The following MYT1L variants were observed in gnomAD, a reference collection of about 807,000 sequenced individuals.
The protein encoded by MYT1L is myelin transcription factor 1-like protein.
MYT1L carries 12 observed loss-of-function variants against 126.7 expected under a neutral mutation model. The ratio of observed to expected loss-of-function variants is 0.09; its 90% confidence interval spans 0.06 to 0.15. MYT1L has a LOEUF of 0.15. Ranked by LOEUF, MYT1L falls within the 10% of genes least tolerant of loss-of-function variation. MYT1L has a pLI of 1.00. For synonymous variants in MYT1L, 541 were observed against 604.2 expected (o/e 0.90, Z 1.53); for missense variants, 979 against 1,585.2 (o/e 0.62, Z 6.49).
chr2:1,844,922 G>A (rs1029637014), intron 19 of MYT1L, among the ~76,000 whole-genome samples: 1 of 151,762 alleles, frequency 6.6e-6, no homozygotes, highest in African/African-American at 2.4e-5. Context: ...ACAGCTCCAT[G>A]CTCTGCTCAG....
intron 1 of MYT1L, among the ~76,000 whole-genome samples, chr2:2,322,513 C>T (rs1250602882): frequency 6.6e-6 from 1 of 151,834 alleles, no homozygotes; most frequent in African/African-American, 2.4e-5. Context: ...GAGCCTGCTC[C>T]ACAGCCTGAG....
At chr2:2,040,513 G>A (rs116130256) in intron 4 of MYT1L, among the ~76,000 whole-genome samples, 157 of 152,296 alleles carry the variant, frequency 1.0e-3, no homozygotes, top group African/African-American at 3.5e-3. Context: ...CCCTCGTAGA[G>A]CAATGTGTAT....
intron 2 of MYT1L, among the ~76,000 whole-genome samples, chr2:2,254,215 G>A (rs1200358852): frequency 6.6e-6 from 1 of 152,212 alleles, no homozygotes; most frequent in African/African-American, 2.4e-5. Flanking sequence ...ATATAAGTAA[G>A]CAAATAATCT....
intron 4 of MYT1L, among the ~76,000 whole-genome samples, chr2:2,031,488 G>A (rs112200059): frequency 0.018 from 2,695 of 146,260 alleles, 90 homozygotes; most frequent in African/African-American, 0.064. Context: ...GTGGCCCAAA[G>A]CAGATTCTAG....
In MYT1L at chr2:2,024,787, C is replaced by G. The variant is rs2065365046; in HGVS notation, c.-157-27440G>C. On this transcript the variant is annotated intron_variant, in intron 4 of 24. Coordinates refer to ENST00000647738, the MANE Select transcript of MYT1L (RefSeq NM_001303052.2). Reference sequence around the variant, plus strand: ...TCTGACTTCCTCCTGTTGTCAATATCATCAAGGTGTTCTCAATCAGCTTCC... The same window carrying G: ...TCTGACTTCCTCCTGTTGTCAATATGATCAAGGTGTTCTCAATCAGCTTCC... Among the ~76,000 whole-genome samples, 3 of 152,248 alleles carry G rather than the reference C, an allele frequency of 2.0e-5. No homozygotes were observed. The South Asian group carries it at 6.2e-4, about 32-fold the overall frequency.
At chr2:2,106,038 C>G (rs990229788) in intron 3 of MYT1L, among the ~76,000 whole-genome samples, 2 of 152,166 alleles carry the variant, frequency 1.3e-5, no homozygotes, top group Non-Finnish European at 2.9e-5. Context: ...GAAGCCAGCT[C>G]TGATTTGTAC....
At chr2:2,007,171 T>C (rs546252354) in intron 4 of MYT1L, among the ~76,000 whole-genome samples, 5 of 152,068 alleles carry the variant, frequency 3.3e-5, no homozygotes, top group East Asian at 1.9e-4. Flanking sequence ...TTACGAGGCA[T>C]TGATTTTGTC....
chr2:2,146,985 T>C (rs1280797869), intron 3 of MYT1L, among the ~76,000 whole-genome samples: 2 of 152,196 alleles, frequency 1.3e-5, no homozygotes, highest in East Asian at 3.9e-4. Flanking sequence ...GATCATCTCT[T>C]AGCTTAGGAG....
chr2:2,200,663 TAGAGAG>T (rs141834965), intron 2 of MYT1L, among the ~76,000 whole-genome samples: 35 of 150,694 alleles, frequency 2.3e-4, no homozygotes, highest in Middle Eastern at 3.5e-3. Context: ...ACCACACCCA[TAGAGAG>T]AGAGAGAGAG....
intron 9 of MYT1L, among the ~76,000 whole-genome samples, chr2:1,941,490 A>G (rs1033399956): frequency 7.9e-5 from 12 of 152,140 alleles, no homozygotes; most frequent in African/African-American, 2.9e-4. Context: ...TACTACACAA[A>G]TCTATTATTT....
At chr2:2,261,603 A>G (rs2094969840) in intron 2 of MYT1L, among the ~76,000 whole-genome samples, 1 of 152,222 alleles carries the variant, frequency 6.6e-6, no homozygotes, top group Non-Finnish European at 1.5e-5. Flanking sequence ...AAATAGCAGA[A>G]TCTGGCAAAA....
At chr2:2,240,994 C>T (rs2094429487) in intron 2 of MYT1L, among the ~76,000 whole-genome samples, 1 of 152,128 alleles carries the variant, frequency 6.6e-6, no homozygotes, top group African/African-American at 2.4e-5. Flanking sequence ...TGGTAGCTGC[C>T]ACTTCACGTA....
chr2:2,053,000 G>C (rs2069021136), intron 4 of MYT1L, among the ~76,000 whole-genome samples: 1 of 152,196 alleles, frequency 6.6e-6, no homozygotes, highest in Non-Finnish European at 1.5e-5. Context: ...GCTAATAGGA[G>C]CATAATTCAC....
intron 3 of MYT1L, among the ~76,000 whole-genome samples, chr2:2,129,207 C>T (rs574846459): frequency 1.2e-3 from 180 of 152,306 alleles, no homozygotes; most frequent in African/African-American, 4.1e-3. Flanking sequence ...GAAGAAGTTA[C>T]ATCCACAAGC....
intron 1 of MYT1L, among the ~76,000 whole-genome samples, chr2:2,299,016 C>A (rs1222227785): frequency 3.9e-5 from 6 of 152,106 alleles, no homozygotes; most frequent in Non-Finnish European, 7.4e-5. Context: ...CCACACCTGG[C>A]TAATTTTCTG....
intron 22 of MYT1L, among the ~76,000 whole-genome samples, chr2:1,808,813 A>C (rs573749134): frequency 1.3e-5 from 2 of 152,322 alleles, no homozygotes; most frequent in African/African-American, 4.8e-5. Context: ...TCCAGGGAGT[A>C]AATCGTCCAG....
chr2:1,882,784 C>T (rs1181543660), intron 18 of MYT1L, among the ~76,000 whole-genome samples: 1 of 152,190 alleles, frequency 6.6e-6, no homozygotes, highest in African/African-American at 2.4e-5. Context: ...AAATAATCTC[C>T]CTGTGCCTGC....
At chr2:2,287,735 T>C (rs908205950) in intron 1 of MYT1L, among the ~76,000 whole-genome samples, 3 of 152,176 alleles carry the variant, frequency 2.0e-5, no homozygotes, top group Admixed American at 1.3e-4. Flanking sequence ...TAATAGTTAT[T>C]TCATATAGTC....
chr2:2,307,338 A>G (rs2095871770), intron 1 of MYT1L, among the ~76,000 whole-genome samples: 1 of 152,096 alleles, frequency 6.6e-6, no homozygotes, highest in Non-Finnish European at 1.5e-5. Flanking sequence ...AGTGTGGGTG[A>G]TAGTGGGGGT....
Sources: gnomAD v4.1 joint callset for allele counts (sites outside exome capture counted in the v4.1 genomes callset) on GRCh38, gnomAD v4.1.1 for gene constraint, MANE v1.5 for transcripts, NCBI Gene and HGNC (gene_info 2026-07-23, HGNC 2026-07-21) for gene names.